GAB2: variants seen among roughly 807,000 people sequenced by gnomAD.
GAB2 encodes the protein GRB2-associated-binding protein 2.
GAB2 carries 26 observed loss-of-function variants against 65.5 expected under a neutral mutation model. The ratio of observed to expected loss-of-function variants is 0.40; its 90% CI spans 0.29 to 0.55. The LOEUF (loss-of-function observed/expected upper bound fraction) is 0.55. Among genes scored for constraint, GAB2 ranks in the 20% least tolerant of loss-of-function variants. The probability of loss-of-function intolerance (pLI) is 0.53; values close to 1 mark genes in which losing one functional copy is unlikely to be tolerated. For synonymous variants in GAB2, 321 were observed against 329.6 expected, an observed-to-expected ratio of 0.97 and a Z score of 0.28; for missense variants, 884 against 875.8, an observed-to-expected ratio of 1.01 and a Z score of -0.12.
intron 1 of GAB2, among the ~76,000 whole-genome samples, chr11:78,325,870 T>C (rs1855812755): frequency 6.6e-6 from 1 of 152,212 alleles, no homozygotes; most frequent in East Asian, 1.9e-4. Context: ...CCTATGAACC[T>C]TCAGCAGTAA....
chr11:78,353,626 A>G (rs546361663), intron 1 of GAB2, among the ~76,000 whole-genome samples: 1 of 152,256 alleles, frequency 6.6e-6, no homozygotes, highest in Non-Finnish European at 1.5e-5. Flanking sequence ...CACTAGCAAC[A>G]TATGTCTACT....
At chr11:78,342,929 G>C (rs954953657) in intron 1 of GAB2, among the ~76,000 whole-genome samples, 3 of 152,078 alleles carry the variant, frequency 2.0e-5, no homozygotes, top group African/African-American at 7.2e-5. Context: ...GATTATCCCA[G>C]TTTTACAAAT....
intron 1 of GAB2, among the ~76,000 whole-genome samples, chr11:78,330,461 C>A (rs1373064852): frequency 1.3e-5 from 2 of 152,106 alleles, no homozygotes; most frequent in Non-Finnish European, 2.9e-5. Context: ...GGGCCAAGCA[C>A]TGAGCTAGGG....
chr11:78,275,940 C>G (rs1371778416), intron 2 of GAB2, among the ~76,000 whole-genome samples: 1 of 151,710 alleles, frequency 6.6e-6, no homozygotes, highest in Non-Finnish European at 1.5e-5. Context: ...AGGGTGAAAC[C>G]CTGTCTCTAT....
chr11:78,403,414 C>A (rs1341114355), intron 1 of GAB2, among the ~76,000 whole-genome samples: 1 of 152,056 alleles, frequency 6.6e-6, no homozygotes, highest in Non-Finnish European at 1.5e-5. Flanking sequence ...CTATAGTAAA[C>A]AGAAATTATC....
At chr11:78,251,020 A>G (rs1865440288) in intron 2 of GAB2, among the ~76,000 whole-genome samples, 1 of 152,116 alleles carries the variant, frequency 6.6e-6, no homozygotes, top group African/African-American at 2.4e-5. Context: ...TTTGGGTGAT[A>G]GGATGAACAG....
At chr11:78,265,526 T>G (rs1865853430) in intron 2 of GAB2, among the ~76,000 whole-genome samples, 1 of 152,160 alleles carries the variant, frequency 6.6e-6, no homozygotes, top group South Asian at 2.1e-4. Flanking sequence ...TCACTAGCCA[T>G]GAAGAATTTT....
chr11:78,321,523 G>A (rs1357536286), intron 1 of GAB2, among the ~76,000 whole-genome samples: 2 of 152,188 alleles, frequency 1.3e-5, no homozygotes, highest in Non-Finnish European at 2.9e-5. Context: ...TCAGTAAGCG[G>A]AGAAATGGTT....
chr11:78,282,264 G>T (rs538971383), intron 1 of GAB2, among the ~76,000 whole-genome samples: 1 of 151,994 alleles, frequency 6.6e-6, no homozygotes, highest in African/African-American at 2.4e-5. Context: ...ACATATAACA[G>T]AAATCTGCGT....
At chr11:78,340,716 G>T (rs539828133) in intron 1 of GAB2, among the ~76,000 whole-genome samples, 1 of 151,786 alleles carries the variant, frequency 6.6e-6, no homozygotes, top group African/African-American at 2.4e-5. Flanking sequence ...TATTTACCAC[G>T]TGACAGATAC....
intron 1 of GAB2, among the ~76,000 whole-genome samples, chr11:78,373,047 T>C (rs370083109): frequency 6.6e-6 from 1 of 152,094 alleles, no homozygotes; most frequent in East Asian, 1.9e-4. Flanking sequence ...GAGGGACAGA[T>C]ATTACCAAGG....
intron 1 of GAB2, among the ~76,000 whole-genome samples, chr11:78,358,956 A>T (rs2134714327): frequency 6.6e-6 from 1 of 152,332 alleles, no homozygotes; most frequent in Non-Finnish European, 1.5e-5. Flanking sequence ...TGAAAATTAC[A>T]ATTGAAATGA....
At chr11:78,258,010 A>T (rs1044637786) in intron 2 of GAB2, among the ~76,000 whole-genome samples, 75 of 152,264 alleles carry the variant, frequency 4.9e-4, no homozygotes, top group African/African-American at 1.6e-3. Flanking sequence ...AGGAAAGTTA[A>T]AATATGAGGA....
chr11:78,262,354 C>A (rs1007420027), intron 2 of GAB2, among the ~76,000 whole-genome samples: 5 of 152,198 alleles, frequency 3.3e-5, no homozygotes, highest in African/African-American at 1.2e-4. Context: ...AAGAATTGTT[C>A]TGGGGAATAA....
At chr11:78,407,328 G>T (rs527544258) in intron 1 of GAB2, among the ~76,000 whole-genome samples, 1 of 151,946 alleles carries the variant, frequency 6.6e-6, no homozygotes, top group South Asian at 2.1e-4. Context: ...ATCATTGAAC[G>T]CATCCAGAGA....
intron 2 of GAB2, among the ~76,000 whole-genome samples, chr11:78,264,575 A>AT (rs199764014): frequency 0.18 from 25,525 of 144,548 alleles, 2,479 homozygotes; most frequent in East Asian, 0.41. Context: ...TAATTTTTGT[A>AT]TTTTTTTTTT....
chr11:78,275,320 A>G (rs1466582315), intron 2 of GAB2, among the ~76,000 whole-genome samples: 1 of 152,156 alleles, frequency 6.6e-6, no homozygotes, highest in Non-Finnish European at 1.5e-5. Context: ...ACTCAATTTC[A>G]TCATATGAAA....
At chr11:78,361,775 A>G (rs1239687756) in intron 1 of GAB2, among the ~76,000 whole-genome samples, 1 of 152,194 alleles carries the variant, frequency 6.6e-6, no homozygotes, top group Non-Finnish European at 1.5e-5. Context: ...AATAGTTACA[A>G]ACCCTCTGGA....
intron 1 of GAB2, among the ~76,000 whole-genome samples, chr11:78,329,098 C>T (rs1855872809): frequency 6.6e-6 from 1 of 152,096 alleles, no homozygotes; most frequent in Non-Finnish European, 1.5e-5. Context: ...ATACAGCAAG[C>T]ATAGTAAAAT....
Sources: allele counts gnomAD v4.1 joint callset (sites outside exome capture counted in the v4.1 genomes callset), GRCh38; gene constraint gnomAD v4.1.1; transcripts MANE v1.5; gene names NCBI Gene and HGNC (gene_info 2026-07-23, HGNC 2026-07-21).